Variants in CHIC1 observed in about 807,000 individuals in gnomAD.
CHIC1 encodes cysteine-rich hydrophobic domain-containing protein 1.
CHIC1 carries 7 observed loss-of-function variants against 18.5 expected under a neutral mutation model. The observed-to-expected ratio is 0.38, with a 90% confidence interval of 0.22 to 0.71. The LOEUF (loss-of-function observed/expected upper bound fraction) is 0.71, where lower values mean the gene tolerates loss of function less well. Among genes scored for constraint, CHIC1 ranks in the 30% least tolerant of loss-of-function variants. The pLI is 0.49. For synonymous variants in CHIC1, 77 were observed against 73.5 expected, an observed-to-expected ratio of 1.05 and a Z score of -0.25; for missense variants, 159 against 176.9, an observed-to-expected ratio of 0.90 and a Z score of 0.57.
chrX:73,618,222 A>T (rs772771911), intron 3 of CHIC1, among the ~76,000 whole-genome samples: 26 of 111,207 alleles, frequency 2.3e-4, no homozygotes, highest in African/African-American at 6.6e-4. Context: ...CCTTAGTTGT[A>T]GTTTTATTGC....
chrX:73,588,297 T>G (rs1017111757), intron 3 of CHIC1, among the ~76,000 whole-genome samples: 19 of 111,148 alleles, frequency 1.7e-4, no homozygotes, highest in African/African-American at 6.2e-4. Flanking sequence ...CTCCCAGCCC[T>G]ATACAACCAC....
chrX:73,635,798 C>T (rs1180867260), intron 3 of CHIC1, among the ~76,000 whole-genome samples: 2 of 111,785 alleles, frequency 1.8e-5, no homozygotes, highest in Non-Finnish European at 3.8e-5. Flanking sequence ...TTTTCAATAA[C>T]TAACTTTTGG....
intron 3 of CHIC1, among the ~76,000 whole-genome samples, 198 bp from the exon 4 acceptor site, chrX:73,679,128 A>T (rs774127852): frequency 3.2e-4 from 36 of 112,116 alleles, no homozygotes; most frequent in Admixed American, 9.5e-4. Context: ...TGATAGGTAG[A>T]TAATCTTATT....
chrX:73,631,170 A>G (rs2057805110), intron 3 of CHIC1, among the ~76,000 whole-genome samples: 1 of 109,098 alleles, frequency 9.2e-6, no homozygotes, highest in African/African-American at 3.3e-5. Flanking sequence ...AGGTTTGTCA[A>G]TTTTCTTTAT....
At chrX:73,612,656 C>T (rs756443961) in intron 3 of CHIC1, among the ~76,000 whole-genome samples, 18 of 111,599 alleles carry the variant, frequency 1.6e-4, no homozygotes, top group Admixed American at 2.9e-4. Context: ...TTTGTTCCAT[C>T]GTGACCTGAA....
chrX:73,646,223 A>G (rs73492798), intron 3 of CHIC1, among the ~76,000 whole-genome samples: 1 of 111,675 alleles, frequency 9.0e-6, no homozygotes, highest in African/African-American at 3.3e-5. Flanking sequence ...ACATAGGTTT[A>G]TTTCTGGGCA....
At position 73,683,130 on chromosome X, in the gene CHIC1, G is replaced by A. The variant is rs1260090856; in HGVS notation, c.*2125G>A. On this transcript the variant is annotated 3_prime_UTR_variant, in exon 6 of 6. Coordinates refer to ENST00000373502, the MANE Select transcript of CHIC1 (RefSeq NM_001039840.4). ...GCATGAAGTGGTGAATTGTTTCCAT[G>A]AAACAATTATTGAGAATGGGAATAC... 2 of 110,855 alleles carry A rather than the reference G, an allele frequency of 1.8e-5. No individual in the cohort carries two copies. The highest frequency in any genetic ancestry group is 3.8e-5 in the Non-Finnish European group (2 of 52,698). 9.1% of individuals were successfully genotyped at this position (110,855 alleles called of 1,213,427 possible).
chrX:73,680,260 A>G (rs1293571032), intron 5 of CHIC1, among the ~76,000 whole-genome samples: 11 of 110,955 alleles, frequency 9.9e-5, no homozygotes, highest in African/African-American at 2.9e-4. Flanking sequence ...TATTACATTT[A>G]TCCAAACTTC....
intron 3 of CHIC1, among the ~76,000 whole-genome samples, chrX:73,611,659 C>T (rs1448660522): frequency 9.3e-6 from 1 of 108,077 alleles, no homozygotes; most frequent in Non-Finnish European, 1.9e-5. Flanking sequence ...GTTCCTATTT[C>T]TCCACATCCT....
intron 3 of CHIC1, among the ~76,000 whole-genome samples, chrX:73,653,608 T>G (rs766441696): frequency 8.9e-6 from 1 of 112,451 alleles, no homozygotes; most frequent in East Asian, 2.8e-4. Flanking sequence ...TAATTTGTAT[T>G]GTGATTGGGA....
At chrX:73,626,376 T>C (rs185664899) in intron 3 of CHIC1, among the ~76,000 whole-genome samples, 27 of 111,632 alleles carry the variant, frequency 2.4e-4, no homozygotes, top group African/African-American at 7.1e-4. Context: ...ATTATCACTT[T>C]GAATAAACTT....
At chrX:73,581,483 TAACTA>T (rs954678001) in intron 2 of CHIC1, among the ~76,000 whole-genome samples, 1 of 111,127 alleles carries the variant, frequency 9.0e-6, no homozygotes, top group African/African-American at 3.3e-5. Flanking sequence ...TCTACACAGT[TAACTA>T]AACATTTCTT....
At chrX:73,580,928 G>T (rs1362372148) in intron 2 of CHIC1, among the ~76,000 whole-genome samples, 1 of 111,009 alleles carries the variant, frequency 9.0e-6, no homozygotes, top group Non-Finnish European at 1.9e-5. Context: ...TGCTTTTAAT[G>T]CAAACAAAAA....
At position 73,666,110 on chromosome X, in the gene CHIC1, A is replaced by G. The variant is rs183377180; in HGVS notation, c.508-13216A>G. 3.3e-3 allele frequency among the ~76,000 whole-genome samples: 370 copies of G among 111,917 alleles called. 2 individuals are homozygous for G. Among genetic ancestry groups the G allele is most frequent in the Non-Finnish European group, 4.9e-3 (259 of 53,159 alleles). On this transcript the variant is annotated intron_variant, in intron 3 of 5. Transcript: ENST00000373502. Reference sequence around the variant, plus strand: ...GAATTTGGCTGCCTTCAACCAAATTATCTTTCGAAGCTTTTGCAAAACCTC... The same window carrying G: ...GAATTTGGCTGCCTTCAACCAAATTGTCTTTCGAAGCTTTTGCAAAACCTC...
At chrX:73,644,840 G>A (rs1569504062) in intron 3 of CHIC1, among the ~76,000 whole-genome samples, 1 of 111,269 alleles carries the variant, frequency 9.0e-6, no homozygotes, top group African/African-American at 3.3e-5. Flanking sequence ...TATTAGGGTG[G>A]GAGTGACCCA....
At chrX:73,649,892 TCTC>T (rs1256416298) in intron 3 of CHIC1, among the ~76,000 whole-genome samples, 1 of 112,703 alleles carries the variant, frequency 8.9e-6, no homozygotes, top group Non-Finnish European at 1.9e-5. Flanking sequence ...TATACATTCT[TCTC>T]AGTGCCACAT....
At chrX:73,655,283 CGTGTGTGTGT>C (rs1002330921) in intron 3 of CHIC1, among the ~76,000 whole-genome samples, 3 of 101,142 alleles carry the variant, frequency 3.0e-5, no homozygotes, top group Non-Finnish European at 4.1e-5. Flanking sequence ...TGTGTGTGTG[CGTGTGTGTGT>C]GTGTATGTGT....
rs1202026510 is a variant in CHIC1, at chrX:73,611,940, A to G, written c.507+27368A>G. On this transcript the variant is annotated intron_variant, in intron 3 of 5. Coordinates refer to ENST00000373502, the MANE Select transcript of CHIC1 (RefSeq NM_001039840.4). ...TATTAGCCCTTTGTCAGATGAGTAG[A>G]TTGCAAAAATTTTCTCCCATTCTGT... Among the ~76,000 whole-genome samples the G allele has an allele frequency of 1.7e-4, 18 of 108,404 alleles. No homozygotes were observed. In the South Asian group the frequency reaches 3.2e-3, roughly 19 times the overall value. The allele number at this position is 108,404 out of a possible 115,157, so 94.1% of individuals were successfully genotyped here.
intron 3 of CHIC1, among the ~76,000 whole-genome samples, chrX:73,676,601 C>A (rs940692735): frequency 3.6e-5 from 4 of 111,546 alleles, no homozygotes; most frequent in African/African-American, 1.3e-4. Context: ...TTAAGGACTT[C>A]TCTGCATTGG....
Sources: allele counts gnomAD v4.1 joint callset (sites outside exome capture counted in the v4.1 genomes callset), GRCh38; gene constraint gnomAD v4.1.1; transcripts MANE v1.5; gene names NCBI Gene and HGNC (gene_info 2026-07-23, HGNC 2026-07-21).